The following WDR19 variants were observed in gnomAD, a reference collection of about 807,000 sequenced individuals.
WDR19 encodes the protein WD repeat domain 19, also known as WD repeat-containing protein 19.
A neutral mutation model predicts 180.0 loss-of-function variants in WDR19; 121 were observed. That is an observed-to-expected ratio of 0.67 (90% CI 0.58 to 0.78). The LOEUF (loss-of-function observed/expected upper bound fraction) is 0.78, where lower values mean the gene tolerates loss of function less well. WDR19 is among the 30% of genes least tolerant of loss of function. WDR19 has a pLI of 0.00. For missense variants in WDR19, 1,450 were observed against 1,640.7 expected (o/e 0.88, Z 2.01); for synonymous variants, 497 against 540.7 (o/e 0.92, Z 1.12).
Position 39,273,996 on chromosome 4 carries a change from T to A in WDR19, c.3566-812T>A, listed in dbSNP as rs535391770. On this transcript the variant is annotated intron_variant, in intron 32 of 36. Coordinates refer to ENST00000399820, the MANE Select transcript of WDR19 (RefSeq NM_025132.4). ...GGCCTCTGTCACAACTGCTCAACTC[T>A]GCCATCTTCTCATGAATAATACGTA... 4.6e-5 allele frequency: 7 copies of A among 152,384 alleles called. No homozygotes were observed. In the East Asian group the frequency reaches 1.2e-3, roughly 25 times the overall value. The allele number at this position is 152,384 out of a possible 1,614,324, so 9.4% of individuals were successfully genotyped here. A position where few individuals can be genotyped will look rare whatever the true frequency, so the allele number is the denominator to read the frequency against.
chr4:39,272,844 C>A, intron 31 of WDR19, 136 bp from the exon 32 acceptor site: 1 of 667,314 alleles, frequency 1.5e-6, no homozygotes, highest in Non-Finnish European at 2.5e-6. Context: ...TCTCTAATGG[C>A]ATCAGCCAGG....
At chr4:39,272,576 G>A (rs949641463) in intron 31 of WDR19, among the ~76,000 whole-genome samples, 14 of 152,150 alleles carry the variant, frequency 9.2e-5, no homozygotes, top group Admixed American at 4.6e-4. Context: ...CCTTCTGCCC[G>A]TCATTGCCCT....
chr4:39,205,807 T>A, intron 9 of WDR19, 71 bp downstream of exon 9: 2 of 1,330,910 alleles, frequency 1.5e-6, no homozygotes, highest in Admixed American at 2.6e-5. Context: ...CAAACTTTGT[T>A]AGCTAATATG....
At position 39,182,705 on chromosome 4, in the gene WDR19, G is replaced by C. The variant is rs550916167; in HGVS notation, c.6+142G>C. On this transcript the variant is annotated intron_variant, in intron 1 of 36. Transcript: ENST00000399820. ...AGAGAGAGAGAGAGAGGTGGCCAGA[G>C]AGAGCGGGGGCGAAGCTGAAGGGAC... The C allele has an allele frequency of 3.8e-6, 5 of 1,331,068 alleles. No individual in the cohort carries two copies. The African/African-American group carries it at 7.3e-5, about 19-fold the overall frequency. The allele number at this position is 1,331,068 out of a possible 1,614,324, so 82.5% of individuals were successfully genotyped here.
chr4:39,258,931 A>G (rs1321435709), intron 28 of WDR19, among the ~76,000 whole-genome samples: 8 of 152,070 alleles, frequency 5.3e-5, no homozygotes, highest in African/African-American at 1.9e-4. Context: ...AGCTGGACAT[A>G]GTGGCGGGCA....
intron 20 of WDR19, among the ~76,000 whole-genome samples, chr4:39,235,732 G>A (rs578094269): frequency 3.4e-4 from 51 of 151,924 alleles, no homozygotes; most frequent in African/African-American, 1.2e-3. Context: ...TGCAAACTAT[G>A]CATCCAGCAA....
chr4:39,240,491 C>A lies in WDR19; in HGVS notation c.2421+157C>A, dbSNP rs9998591. Among the ~76,000 whole-genome samples, 95,759 of 151,816 alleles carry A rather than the reference C, an allele frequency of 0.63. 31,107 individuals are homozygous for A. The highest frequency in any genetic ancestry group is 0.82 in the East Asian group (4,255 of 5,170). ...AACCTTGCAAGGAAATAGTTAAATC[C>A]TTTTAAAACACTTCAAGCTCTTAAA... On this transcript the variant is annotated intron_variant, in intron 21 of 36. Coordinates refer to ENST00000399820, the MANE Select transcript of WDR19 (RefSeq NM_025132.4).
rs1343231195 is a variant in WDR19 at position 39,189,728 on chromosome 4, T to G, written c.237T>G (p.Ile79Met). Reference sequence around the variant, plus strand: ...TGATTGCTGAGAAATCTAGCTGCATTTATCTTTGGGATGCCAACACAAATA... The same window carrying G: ...TGATTGCTGAGAAATCTAGCTGCATGTATCTTTGGGATGCCAACACAAATA... The part of the protein sequence containing the change: ...LAVIAEKSSC[I>M]YLWDANTNKT... Residue 79 changes from isoleucine (I) to methionine (M), a missense_variant, in exon 4 of 37, where the codon ATT becomes ATG. Physicochemically the swap from Ile to Met is conservative, Grantham distance 10. Coordinates refer to ENST00000399820, the MANE Select transcript of WDR19 (RefSeq NM_025132.4). 1.2e-6 allele frequency: 2 copies of G among 1,611,844 alleles called. No homozygotes were observed. Among genetic ancestry groups the G allele is most frequent in the Non-Finnish European group, 1.7e-6 (2 of 1,179,220 alleles).
intron 7 of WDR19, 104 bp downstream of exon 7, chr4:39,203,826 C>T (rs1727620862): frequency 1.8e-6 from 2 of 1,116,038 alleles, no homozygotes; most frequent in East Asian, 2.6e-5. Context: ...TAAATTAGGT[C>T]CATTGACTGT....
At chr4:39,203,112 CTTTT>C (rs553565048) in intron 6 of WDR19, among the ~76,000 whole-genome samples, 6 of 135,652 alleles carry the variant, frequency 4.4e-5, no homozygotes, top group Non-Finnish European at 3.2e-5. Context: ...CTTTTTCTTT[CTTTT>C]TTTTTTTTTT....
In WDR19 at chr4:39,194,580, A is replaced by T. The variant is rs754174803; in HGVS notation, c.327A>T (p.Gly109=). 1 of 1,613,172 alleles carries T rather than the reference A, an allele frequency of 6.2e-7. No individual in the cohort carries two copies. The highest frequency in any genetic ancestry group is 8.5e-7 in the Non-Finnish European group (1 of 1,179,514). ...QMSFLLWSKV[G]SFLAVGTVKG... is the part of the protein sequence containing the mutation. ...CTTTCCTTCTTTGGTCAAAAGTTGG[A>T]AGTTTCCTGGCTGTTGGAACTGTTA... Residue 109 remains glycine (G), a synonymous_variant, in exon 5 of 37, where the codon GGA becomes GGT. Coordinates refer to ENST00000399820, the MANE Select transcript of WDR19 (RefSeq NM_025132.4).
intron 5 of WDR19, among the ~76,000 whole-genome samples, chr4:39,197,191 G>T (rs1055966599): frequency 6.6e-6 from 1 of 152,100 alleles, no homozygotes; most frequent in African/African-American, 2.4e-5. Flanking sequence ...CATTTTGGAA[G>T]GCCGAGGCAG....
intron 24 of WDR19, among the ~76,000 whole-genome samples, chr4:39,248,268 G>A (rs981930839): frequency 9.8e-4 from 149 of 152,200 alleles, no homozygotes; most frequent in African/African-American, 3.4e-3. Flanking sequence ...CATAAGTGAA[G>A]GAGAAATAAA....
intron 17 of WDR19, among the ~76,000 whole-genome samples, chr4:39,230,971 C>T (rs1016094285): frequency 2.0e-5 from 3 of 152,138 alleles, no homozygotes; most frequent in African/African-American, 7.2e-5. Context: ...ATCGCAGCTA[C>T]TCAGTCTGGC....
At chr4:39,263,923 T>TAAA (rs11461352) in intron 28 of WDR19, among the ~76,000 whole-genome samples, 1,512 of 140,434 alleles carry the variant, frequency 0.011, 19 homozygotes, top group Non-Finnish European at 0.017. Flanking sequence ...AAACTCCATC[T>TAAA]AAAAAAAAAA....
chr4:39,244,099 G>A (rs1732251725), intron 21 of WDR19, 149 bp from the exon 22 acceptor site: 2 of 940,276 alleles, frequency 2.1e-6, no homozygotes, highest in Non-Finnish European at 2.9e-6. Flanking sequence ...AAAGTCTCAA[G>A]TGTTATTTTA....
At chr4:39,230,527 CA>C (rs1408885456) in intron 17 of WDR19, among the ~76,000 whole-genome samples, 2 of 152,080 alleles carry the variant, frequency 1.3e-5, no homozygotes, top group Non-Finnish European at 2.9e-5. Context: ...ATAAAGGAGA[CA>C]TAATAATAAT....
At chr4:39,268,191 A>G in intron 30 of WDR19, 100 bp downstream of exon 30, 2 of 1,026,280 alleles carry the variant, frequency 1.9e-6, no homozygotes, top group African/African-American at 1.6e-5. Context: ...CGTTTGTAAC[A>G]TAGGCTTGCT....
chr4:39,205,340 G>A (rs1310255791), intron 8 of WDR19, 74 bp downstream of exon 8: 3 of 1,354,392 alleles, frequency 2.2e-6, no homozygotes, highest in Non-Finnish European at 3.1e-6. Flanking sequence ...CTTACTAATT[G>A]TATTCAATTT....
Sources: allele counts gnomAD v4.1 joint callset (sites outside exome capture counted in the v4.1 genomes callset), GRCh38; gene constraint gnomAD v4.1.1; transcripts MANE v1.5; gene names NCBI Gene and HGNC (gene_info 2026-07-23, HGNC 2026-07-21).